DPP6: variants seen among roughly 807,000 people sequenced by gnomAD.
DPP6 encodes the protein dipeptidyl peptidase like 6.
Under a neutral mutation model 122.6 loss-of-function variants are expected in DPP6, and 69 were observed. That is an observed-to-expected ratio of 0.56 (90% CI 0.46 to 0.69). The LOEUF (loss-of-function observed/expected upper bound fraction) is 0.69. DPP6 is among the 30% of genes least tolerant of loss of function. DPP6 has a pLI of 0.00. For synonymous variants in DPP6, 418 were observed against 433.1 expected (o/e 0.97, Z 0.43); for missense variants, 928 against 1,116.9 (o/e 0.83, Z 2.41).
At chr7:154,676,595 T>C (rs1030922793) in intron 7 of DPP6, among the ~76,000 whole-genome samples, 1 of 152,232 alleles carries the variant, frequency 6.6e-6, no homozygotes. Context: ...CGGCCCCACC[T>C]TAGTGATTGC....
At chr7:154,253,710 C>G (rs1404653327) in intron 1 of DPP6, among the ~76,000 whole-genome samples, 1 of 152,134 alleles carries the variant, frequency 6.6e-6, no homozygotes, top group Non-Finnish European at 1.5e-5. Context: ...GAAAAAGGAA[C>G]AATATTCCAG....
chr7:153,895,834 A>G, intron 1 of DPP6, among the ~76,000 whole-genome samples: 1 of 152,180 alleles, frequency 6.6e-6, no homozygotes, highest in African/African-American at 2.4e-5. Flanking sequence ...GTTGGATAAG[A>G]GCTCCTGTGG....
At chr7:153,795,475 A>G in the DPP6 span, among the ~76,000 whole-genome samples, 6 of 152,274 alleles carry the variant, frequency 3.9e-5, no homozygotes, top group African/African-American at 1.4e-4. Flanking sequence ...AATATTTGTA[A>G]GCTGTGTCTT....
At chr7:153,780,819 G>T in the DPP6 span, among the ~76,000 whole-genome samples, 1 of 152,112 alleles carries the variant, frequency 6.6e-6, no homozygotes, top group African/African-American at 2.4e-5. Flanking sequence ...TCTACCTTCT[G>T]GTCCTCCAAG....
chr7:154,789,174 G>A (rs994237561), intron 10 of DPP6, among the ~76,000 whole-genome samples: 2 of 152,236 alleles, frequency 1.3e-5, no homozygotes, highest in African/African-American at 2.4e-5. Context: ...CTCTTCTCCG[G>A]TGTAAATCTG....
chr7:154,654,290 C>A (rs1837081844), intron 6 of DPP6, among the ~76,000 whole-genome samples: 1 of 151,994 alleles, frequency 6.6e-6, no homozygotes, highest in Non-Finnish European at 1.5e-5. Context: ...TTAAAAGCAT[C>A]TCTCTGAATT....
At chr7:153,931,247 AT>A (rs1801157639) in intron 1 of DPP6, among the ~76,000 whole-genome samples, 1 of 152,212 alleles carries the variant, frequency 6.6e-6, no homozygotes, top group Non-Finnish European at 1.5e-5. Flanking sequence ...CTATAAGATC[AT>A]GTTACCCACT....
chr7:154,881,016 T>C, intron 21 of DPP6, 74 bp downstream of exon 21: 2 of 1,527,266 alleles, frequency 1.3e-6, no homozygotes, highest in East Asian at 2.3e-5. Context: ...CGTCTAATCC[T>C]GATTTATTGA....
chr7:154,005,241 C>G (rs1029898201), intron 1 of DPP6, among the ~76,000 whole-genome samples: 1 of 152,208 alleles, frequency 6.6e-6, no homozygotes, highest in Admixed American at 6.5e-5. Context: ...CTAATTTGCT[C>G]TAGCCTTATG....
intron 3 of DPP6, among the ~76,000 whole-genome samples, chr7:154,493,093 A>C (rs1824428435): frequency 6.6e-6 from 1 of 152,176 alleles, no homozygotes; most frequent in Non-Finnish European, 1.5e-5. Context: ...AAATGAGTGC[A>C]CAGTTTGATA....
rs747780651 is a variant in DPP6 at position 154,889,251 on chromosome 7, C to A, written c.2305-21C>A. The A allele has an allele frequency of 3.1e-6, 5 of 1,610,268 alleles. No homozygotes were observed. The Admixed American group carries it at 8.4e-5, about 27-fold the overall frequency. ...TGCAGTGCAGCCCCCTAACTCTGTC[C>A]CCTTGCCCCCGCATGTGCAGATGAC... On this transcript the variant is annotated intron_variant, in intron 23 of 25. Transcript: ENST00000377770.
chr7:154,310,375 C>T (rs1268094334), intron 1 of DPP6, among the ~76,000 whole-genome samples: 1 of 152,194 alleles, frequency 6.6e-6, no homozygotes, highest in South Asian at 2.1e-4. Flanking sequence ...GGATCCGTGT[C>T]ACCAACTTAC....
At chr7:154,492,542 G>A (rs1037349200) in intron 3 of DPP6, among the ~76,000 whole-genome samples, 9 of 152,136 alleles carry the variant, frequency 5.9e-5, no homozygotes, top group East Asian at 1.9e-4. Context: ...TCCTTCCCTC[G>A]TTCCACCCAT....
chr7:154,485,300 A>C (rs948909689), intron 3 of DPP6, among the ~76,000 whole-genome samples: 2 of 152,212 alleles, frequency 1.3e-5, no homozygotes, highest in African/African-American at 4.8e-5. Flanking sequence ...TACCTTAATG[A>C]AGTCCTTAAG....
intron 10 of DPP6, among the ~76,000 whole-genome samples, chr7:154,788,521 A>G (rs966381779): frequency 6.6e-6 from 1 of 152,184 alleles, no homozygotes; most frequent in African/African-American, 2.4e-5. Flanking sequence ...GAAATATTAA[A>G]CATTAAGTAT....
intron 1 of DPP6, among the ~76,000 whole-genome samples, chr7:153,951,872 G>A (rs760463682): frequency 6.6e-6 from 1 of 152,088 alleles, no homozygotes; most frequent in African/African-American, 2.4e-5. Context: ...GTGAAACCCC[G>A]TCTCTACTAA....
chr7:154,651,790 G>A (rs771345010), intron 6 of DPP6, among the ~76,000 whole-genome samples: 1 of 152,148 alleles, frequency 6.6e-6, no homozygotes, highest in Non-Finnish European at 1.5e-5. Flanking sequence ...GGAAATCCTG[G>A]GCCAACATCA....
intron 8 of DPP6, among the ~76,000 whole-genome samples, chr7:154,751,306 G>C (rs113761108): frequency 3.9e-5 from 6 of 151,980 alleles, no homozygotes; most frequent in Admixed American, 2.6e-4. Flanking sequence ...GATATCTATC[G>C]ATAAGGAAAA....
intron 1 of DPP6, among the ~76,000 whole-genome samples, chr7:154,083,489 A>AC (rs200085714): frequency 0.026 from 3,883 of 150,410 alleles, 166 homozygotes; most frequent in African/African-American, 0.089. Context: ...GTTCCTGGTC[A>AC]CCCAAGCCTC....
Sources: gnomAD v4.1 joint callset for allele counts (sites outside exome capture counted in the v4.1 genomes callset) on GRCh38, gnomAD v4.1.1 for gene constraint, MANE v1.5 for transcripts, NCBI Gene and HGNC (gene_info 2026-07-23, HGNC 2026-07-21) for gene names.